The following CATSPERT variants were observed in gnomAD, a reference collection of about 807,000 sequenced individuals.
CATSPERT encodes catsper channel auxiliary subunit tau.
the CATSPERT span, among the ~76,000 whole-genome samples, chr2:201,520,872 G>T: frequency 7.7e-6 from 1 of 130,352 alleles, no homozygotes; most frequent in African/African-American, 2.8e-5. Context: ...CTGGGCAACA[G>T]AGATCCTGTC....
At chr2:201,540,090 C>T in the CATSPERT span, among the ~76,000 whole-genome samples, 10 of 152,222 alleles carry the variant, frequency 6.6e-5, no homozygotes, top group East Asian at 1.9e-3. Context: ...CAGAGAAAGC[C>T]CCTAACTCTC....
chr2:201,497,983 GGAAAAACCCAATCA>G, the CATSPERT span, among the ~76,000 whole-genome samples: 1 of 152,068 alleles, frequency 6.6e-6, no homozygotes, highest in Non-Finnish European at 1.5e-5. Flanking sequence ...TTGACTTAAT[GGAAAAACCCAATCA>G]GAAAAACCAT....
At chr2:201,559,012 C>T in the CATSPERT span, among the ~76,000 whole-genome samples, 7 of 152,330 alleles carry the variant, frequency 4.6e-5, no homozygotes, top group Admixed American at 4.6e-4. Flanking sequence ...CCAGGGTGAA[C>T]CTGTCCTTAA....
At chr2:201,554,183 C>T in the CATSPERT span, 1 of 152,132 alleles carries the variant, frequency 6.6e-6, no homozygotes, top group South Asian at 2.1e-4. Flanking sequence ...CTAATATCTC[C>T]ATTACTATGT....
At chr2:201,574,275 A>C in the CATSPERT span, 1 of 1,600,872 alleles carries the variant, frequency 6.2e-7, no homozygotes. Context: ...GCCTGCAGAC[A>C]AACTAAACAT....
At chr2:201,498,086 AG>A in the CATSPERT span, among the ~76,000 whole-genome samples, 1 of 152,290 alleles carries the variant, frequency 6.6e-6, no homozygotes, top group East Asian at 1.9e-4. Context: ...TGTATTAATC[AG>A]GGTTCTCCAG....
chr2:201,604,666 C>T, the CATSPERT span: 19 of 1,605,314 alleles, frequency 1.2e-5, no homozygotes, highest in South Asian at 2.1e-4. Flanking sequence ...CAGTTCTTCA[C>T]TATCAGACTC....
chr2:201,509,808 A>G, the CATSPERT span, among the ~76,000 whole-genome samples: 1 of 150,954 alleles, frequency 6.6e-6, no homozygotes, highest in Non-Finnish European at 1.5e-5. Context: ...TAACAAAAAT[A>G]TGGAGCAGCT....
At chr2:201,516,647 T>C in the CATSPERT span, among the ~76,000 whole-genome samples, 1 of 152,212 alleles carries the variant, frequency 6.6e-6, no homozygotes. Flanking sequence ...CATGACTATA[T>C]ATTGAATTGG....
chr2:201,563,194 G>A, the CATSPERT span, among the ~76,000 whole-genome samples: 2 of 79,882 alleles, frequency 2.5e-5, no homozygotes, highest in Non-Finnish European at 5.2e-5. Flanking sequence ...GGCGGGGGCT[G>A]ACCCCCCACC....
At chr2:201,514,950 A>G in the CATSPERT span, among the ~76,000 whole-genome samples, 4 of 151,650 alleles carry the variant, frequency 2.6e-5, no homozygotes, top group African/African-American at 9.7e-5. Context: ...ATGGCTGCCA[A>G]TTTTTTTTGC....
chr2:201,603,354 A>G, the CATSPERT span: 5 of 1,257,892 alleles, frequency 4.0e-6, no homozygotes, highest in Non-Finnish European at 5.5e-6. Context: ...ACTGAGCTCT[A>G]TTTTTAAAAA....
chr2:201,581,548 GTATA>G, the CATSPERT span, among the ~76,000 whole-genome samples: 637 of 9,544 alleles, frequency 0.067, 10 homozygotes, highest in Middle Eastern at 0.1. Flanking sequence ...AAAAATGTGT[GTATA>G]TATATATATA....
chr2:201,582,177 A>G, the CATSPERT span: 1 of 1,607,774 alleles, frequency 6.2e-7, no homozygotes. Context: ...TATGAGTTCC[A>G]ATAAAATATT....
the CATSPERT span, among the ~76,000 whole-genome samples, chr2:201,512,665 A>G: frequency 3.9e-5 from 6 of 152,274 alleles, no homozygotes; most frequent in Middle Eastern, 3.4e-3. Context: ...TGGATGTACC[A>G]AAGTTTATTC....
chr2:201,600,912 T>C, the CATSPERT span, among the ~76,000 whole-genome samples: 3 of 152,038 alleles, frequency 2.0e-5, no homozygotes, highest in African/African-American at 4.8e-5. Flanking sequence ...CCACCATGCC[T>C]GGCTAATTTT....
At chr2:201,535,753 T>C in the CATSPERT span, 1 of 1,348,328 alleles carries the variant, frequency 7.4e-7, no homozygotes, top group African/African-American at 1.5e-5. Flanking sequence ...TTGAATGCAT[T>C]TTCGATTTAT....
At chr2:201,607,603 C>T in the CATSPERT span, among the ~76,000 whole-genome samples, 7 of 152,104 alleles carry the variant, frequency 4.6e-5, no homozygotes, top group Admixed American at 3.9e-4. Context: ...GATTTTGCCA[C>T]AGCACTCCAG....
chr2:201,612,591 A>AAG, the CATSPERT span, among the ~76,000 whole-genome samples: 1 of 149,814 alleles, frequency 6.7e-6, no homozygotes, highest in East Asian at 2.0e-4. Context: ...GAAAAAAAAA[A>AAG]AAAAAAAAGC....
Sources: allele counts gnomAD v4.1 joint callset (sites outside exome capture counted in the v4.1 genomes callset), GRCh38; gene constraint gnomAD v4.1.1; transcripts MANE v1.5; gene names NCBI Gene and HGNC (gene_info 2026-07-23, HGNC 2026-07-21).